The following GRIA3 variants were observed in gnomAD, a reference collection of about 807,000 sequenced individuals.
The protein encoded by GRIA3 is glutamate receptor 3.
In GRIA3, 3 loss-of-function variants were observed where a neutral mutation model predicts 63.0. The observed-to-expected ratio is 0.05, with a 90% CI of 0.02 to 0.12. GRIA3 has a LOEUF of 0.12. Ranked by LOEUF, GRIA3 falls within the 10% of genes least tolerant of loss-of-function variation. The probability of loss-of-function intolerance (pLI) is 1.00; values close to 1 mark genes in which losing one functional copy is unlikely to be tolerated. For synonymous variants in GRIA3, 274 were observed against 257.9 expected, an observed-to-expected ratio of 1.06 and a Z score of -0.60; for missense variants, 347 against 700.9, an observed-to-expected ratio of 0.50 and a Z score of 5.70.
chrX:123,419,079 C>G (rs2045550506), intron 11 of GRIA3, among the ~76,000 whole-genome samples: 2 of 112,058 alleles, frequency 1.8e-5, no homozygotes, highest in African/African-American at 6.5e-5. Flanking sequence ...AAAGAACAGA[C>G]TACTGACACA....
At chrX:123,234,982 C>A (rs776535354) in intron 2 of GRIA3, among the ~76,000 whole-genome samples, 1 of 110,648 alleles carries the variant, frequency 9.0e-6, no homozygotes, top group Admixed American at 9.6e-5. Context: ...TAAATTGGTA[C>A]CCTGTAGTGT....
In GRIA3 at chrX:123,259,194, A is replaced by C. The variant is rs1355754594; in HGVS notation, c.508+5652A>C. On this transcript the variant is annotated intron_variant, in intron 3 of 15. Transcript: ENST00000620443. ...GAAGGTCCTAAAGGGCTTAAGAGGTAAAGGGATTCCCCAAGAAAAGGAGAA... is the reference window on the plus strand; with the variant it reads ...GAAGGTCCTAAAGGGCTTAAGAGGTCAAGGGATTCCCCAAGAAAAGGAGAA... 2.7e-5 allele frequency among the ~76,000 whole-genome samples: 3 copies of C among 112,107 alleles called. No homozygotes were observed. In the East Asian group the frequency reaches 8.4e-4, roughly 31 times the overall value.
intron 12 of GRIA3, among the ~76,000 whole-genome samples, chrX:123,462,654 G>C (rs1336740814): frequency 9.0e-6 from 1 of 111,454 alleles, no homozygotes; most frequent in African/African-American, 3.3e-5. Context: ...TGATAGTTCT[G>C]GAAGTTCCAG....
intron 3 of GRIA3, among the ~76,000 whole-genome samples, chrX:123,282,611 A>G (rs2044592876): frequency 8.9e-6 from 1 of 112,713 alleles, no homozygotes; most frequent in Non-Finnish European, 1.9e-5. Flanking sequence ...CTTTATTAAT[A>G]ACGAAAATTA....
chrX:123,263,783 G>C (rs1301860714), intron 3 of GRIA3, among the ~76,000 whole-genome samples: 1 of 112,468 alleles, frequency 8.9e-6, no homozygotes, highest in Non-Finnish European at 1.9e-5. Flanking sequence ...AATTAATAGT[G>C]AGGTCGTTTT....
At chrX:123,187,885 T>C (rs776598250) in intron 2 of GRIA3, among the ~76,000 whole-genome samples, 1 of 111,513 alleles carries the variant, frequency 9.0e-6, no homozygotes, top group East Asian at 2.8e-4. Flanking sequence ...TCATCCATAT[T>C]GGTATTGAGT....
At chrX:123,260,820 T>C (rs746882307) in intron 3 of GRIA3, among the ~76,000 whole-genome samples, 1 of 110,363 alleles carries the variant, frequency 9.1e-6, no homozygotes, top group Non-Finnish European at 1.9e-5. Flanking sequence ...CCTGAGACAT[T>C]TGGTAGTTTC....
chrX:123,193,005 G>A (rs1202565692), intron 2 of GRIA3, among the ~76,000 whole-genome samples: 2 of 110,163 alleles, frequency 1.8e-5, no homozygotes, highest in Admixed American at 9.9e-5. Context: ...AAAGGCTCTC[G>A]CAGACCAGCT....
At chrX:123,383,072 C>A (rs922985299) in intron 5 of GRIA3, among the ~76,000 whole-genome samples, 2 of 111,725 alleles carry the variant, frequency 1.8e-5, no homozygotes, top group African/African-American at 6.5e-5. Context: ...GGCAGTTGGT[C>A]AATTTTCTTA....
intron 2 of GRIA3, among the ~76,000 whole-genome samples, chrX:123,196,266 A>G (rs1194248694): frequency 9.0e-6 from 1 of 111,512 alleles, no homozygotes; most frequent in Non-Finnish European, 1.9e-5. Flanking sequence ...GGAGTTGTAA[A>G]CTAACCTAAC....
intron 12 of GRIA3, among the ~76,000 whole-genome samples, chrX:123,431,638 GACC>G (rs1569435678): frequency 2.7e-5 from 3 of 112,280 alleles, no homozygotes; most frequent in Admixed American, 9.5e-5. Flanking sequence ...GCACTGAAAT[GACC>G]ATTCTCCACT....
chrX:123,322,160 A>G (rs745936556), intron 3 of GRIA3, among the ~76,000 whole-genome samples: 1 of 111,384 alleles, frequency 9.0e-6, no homozygotes, highest in East Asian at 2.8e-4. Flanking sequence ...TAGCCCAACC[A>G]CCACTCCAGT....
chrX:123,184,333 AGG>A lies in GRIA3; in HGVS notation c.-201_-200del, dbSNP rs891273625. The A allele has an allele frequency of 2.2e-6, 1 of 451,686 alleles. No homozygotes were observed. The highest frequency in any genetic ancestry group is 2.5e-5 in the African/African-American group (1 of 39,694). The allele number at this position is 451,686 out of a possible 1,213,427, so 37.2% of individuals were successfully genotyped here. On this transcript the variant is annotated 5_prime_UTR_variant, in exon 1 of 16. Coordinates refer to ENST00000620443, the MANE Select transcript of GRIA3 (RefSeq NM_007325.5). ...GCGAGCGAATAAGAGAGAGAGTAAG[AGG>A]GAGAGAGAAGAAGAGGAAGAAGAGG...
rs181509127 is a variant in GRIA3, at chrX:123,283,580, C to T, written c.508+30038C>T. The stretch of plus-strand genomic sequence containing the variant: ...TGGGGGGAGGGGCGTCCACCATTAC[C>T]GAGACTTGAGTAGGCGGTTTTCCCC... On this transcript the variant is annotated intron_variant, in intron 3 of 15. Coordinates refer to ENST00000620443, the MANE Select transcript of GRIA3 (RefSeq NM_007325.5). Among the ~76,000 whole-genome samples, 150 of 111,031 alleles carry T rather than the reference C, an allele frequency of 1.4e-3. 3 individuals carry two copies. Among genetic ancestry groups the T allele is most frequent in the Admixed American group, 0.011 (119 of 10,503 alleles).
intron 3 of GRIA3, among the ~76,000 whole-genome samples, chrX:123,301,876 T>C (rs1450188208): frequency 2.7e-5 from 3 of 112,180 alleles, no homozygotes; most frequent in Admixed American, 9.4e-5. Context: ...ATATTTGAGA[T>C]AGTGTCTTCA....
At chrX:123,279,847 A>G (rs2044575021) in intron 3 of GRIA3, among the ~76,000 whole-genome samples, 1 of 111,545 alleles carries the variant, frequency 9.0e-6, no homozygotes, top group African/African-American at 3.3e-5. Context: ...TGGCTCAGGA[A>G]CTCTTTAAGG....
chrX:123,300,498 T>C (rs759204793), intron 3 of GRIA3, among the ~76,000 whole-genome samples: 1 of 107,487 alleles, frequency 9.3e-6, no homozygotes, highest in East Asian at 2.9e-4. Context: ...TCTAGGAATT[T>C]ATGCATTTCT....
intron 12 of GRIA3, among the ~76,000 whole-genome samples, chrX:123,439,115 G>A (rs2045660099): frequency 1.8e-5 from 2 of 112,059 alleles, no homozygotes; most frequent in Admixed American, 9.4e-5. Context: ...TAGTGGCCCC[G>A]ACTTTTAGCA....
intron 5 of GRIA3, chrX:123,358,674 T>C (rs1288201689): frequency 8.9e-6 from 1 of 111,945 alleles, no homozygotes; most frequent in Non-Finnish European, 1.9e-5. Context: ...TTAGGAGTTG[T>C]TCTGTAATTA....
Sources: gnomAD v4.1 joint callset for allele counts (sites outside exome capture counted in the v4.1 genomes callset) on GRCh38, gnomAD v4.1.1 for gene constraint, MANE v1.5 for transcripts, NCBI Gene and HGNC (gene_info 2026-07-23, HGNC 2026-07-21) for gene names.